SNX29: variants seen among roughly 807,000 people sequenced by gnomAD.
SNX29 encodes the protein sorting nexin 29.
Under a neutral mutation model 102.1 loss-of-function variants are expected in SNX29, and 78 were observed. The ratio of observed to expected loss-of-function variants is 0.76; its 90% CI spans 0.64 to 0.92. SNX29 has a LOEUF of 0.92. Ranked by LOEUF, SNX29 falls within the 40% of genes least tolerant of loss-of-function variation. The probability of loss-of-function intolerance (pLI) is 0.00; values close to 1 mark genes in which losing one functional copy is unlikely to be tolerated. For missense variants in SNX29, 1,280 were observed against 1,061.7 expected (o/e 1.21, Z -2.86); for synonymous variants, 580 against 414.5 (o/e 1.40, Z -4.85).
chr16:12,562,813 C>T (rs12931055), intron 20 of SNX29, among the ~76,000 whole-genome samples: 16 of 151,906 alleles, frequency 1.1e-4, no homozygotes, highest in African/African-American at 3.6e-4. Flanking sequence ...CAACTCCTTT[C>T]CCCCCAAATT....
intron 20 of SNX29, among the ~76,000 whole-genome samples, chr16:12,559,057 T>C (rs80181096): frequency 0.013 from 2,019 of 152,232 alleles, 41 homozygotes; most frequent in African/African-American, 0.046. Flanking sequence ...GTAACTGCAA[T>C]GTAGAGGTCT....
chr16:12,230,095 G>A (rs1325681394), intron 14 of SNX29, among the ~76,000 whole-genome samples: 1 of 152,154 alleles, frequency 6.6e-6, no homozygotes, highest in African/African-American at 2.4e-5. Flanking sequence ...GCATCAGCCC[G>A]GATTTAGCCT....
rs973100739 is a variant in SNX29 at position 12,328,806 on chromosome 16, A to C, written c.1783-27357A>C. Among the ~76,000 whole-genome samples the C allele has an allele frequency of 6.6e-5, 10 of 152,082 alleles. No homozygotes were observed. The East Asian group carries it at 9.6e-4, about 15-fold the overall frequency. Reference sequence around the variant, plus strand: ...AAATGCTTCTTTAAATGATTTAGGCAAAGATGGAGTTGATTGGCTCATGTA... The same window carrying C: ...AAATGCTTCTTTAAATGATTTAGGCCAAGATGGAGTTGATTGGCTCATGTA... On this transcript the variant is annotated intron_variant, in intron 15 of 20. Transcript: ENST00000566228.
At chr16:12,319,215 A>G (rs1274084849) in intron 15 of SNX29, among the ~76,000 whole-genome samples, 1 of 152,222 alleles carries the variant, frequency 6.6e-6, no homozygotes, top group East Asian at 1.9e-4. Flanking sequence ...CAGTGCTGAC[A>G]CAATTGTTAT....
intron 15 of SNX29, among the ~76,000 whole-genome samples, chr16:12,339,537 A>C (rs1388060983): frequency 3.3e-5 from 5 of 152,170 alleles, no homozygotes; most frequent in African/African-American, 1.2e-4. Flanking sequence ...TTTTTGAGTG[A>C]TGAAAACTGG....
chr16:12,401,650 C>A (rs2083949025), intron 17 of SNX29, among the ~76,000 whole-genome samples: 2 of 152,048 alleles, frequency 1.3e-5, no homozygotes. Flanking sequence ...AGGTGTGAGC[C>A]CCTGCACCCA....
intron 14 of SNX29, among the ~76,000 whole-genome samples, chr16:12,205,191 T>C (rs989780902): frequency 6.6e-6 from 1 of 152,156 alleles, no homozygotes; most frequent in African/African-American, 2.4e-5. Context: ...TTCTGAACCA[T>C]TGCAGGCTTC....
chr16:12,356,422 A>AT (rs1304809775), intron 16 of SNX29, 143 bp downstream of exon 16: 2 of 649,664 alleles, frequency 3.1e-6, no homozygotes, highest in Admixed American at 2.9e-5. Context: ...TTTGCTTTTT[A>AT]TTTTTTATGG....
intron 14 of SNX29, among the ~76,000 whole-genome samples, chr16:12,226,912 G>C (rs1355723169): frequency 1.3e-5 from 2 of 152,096 alleles, no homozygotes; most frequent in African/African-American, 2.4e-5. Context: ...TATGTAACAC[G>C]TCTACTGGCT....
intron 13 of SNX29, among the ~76,000 whole-genome samples, chr16:12,177,699 A>G (rs2076291567): frequency 6.6e-6 from 1 of 152,230 alleles, no homozygotes. Context: ...TATTAACAGT[A>G]TACAATTATT....
At chr16:12,125,520 G>A (rs1056069438) in intron 11 of SNX29, among the ~76,000 whole-genome samples, 1 of 151,534 alleles carries the variant, frequency 6.6e-6, no homozygotes, top group African/African-American at 2.4e-5. Context: ...GGATCGGGTC[G>A]GCATCCATCG....
intron 16 of SNX29, among the ~76,000 whole-genome samples, chr16:12,368,888 C>T (rs900113629): frequency 3.3e-5 from 5 of 152,190 alleles, no homozygotes; most frequent in Admixed American, 2.6e-4. Context: ...TTGAAATGGC[C>T]TCTCTGTTCT....
chr16:12,537,151 C>T (rs572294835), intron 20 of SNX29, among the ~76,000 whole-genome samples: 4 of 152,136 alleles, frequency 2.6e-5, no homozygotes, highest in Non-Finnish European at 4.4e-5. Context: ...GGCTGGGACT[C>T]TGGGATCTTG....
chr16:12,420,783 A>G (rs1043938102), intron 18 of SNX29, among the ~76,000 whole-genome samples: 1 of 152,204 alleles, frequency 6.6e-6, no homozygotes, highest in Non-Finnish European at 1.5e-5. Context: ...TGATGGACGC[A>G]TGAGTCACCA....
chr16:12,480,874 T>G (rs2087874021), intron 19 of SNX29, among the ~76,000 whole-genome samples: 1 of 152,062 alleles, frequency 6.6e-6, no homozygotes. Context: ...GTTTTGTTGT[T>G]GTTGTTTGTT....
intron 19 of SNX29, among the ~76,000 whole-genome samples, chr16:12,498,015 C>G (rs1292353990): frequency 6.6e-6 from 1 of 152,152 alleles, no homozygotes; most frequent in Non-Finnish European, 1.5e-5. Flanking sequence ...GGGTAGCAAG[C>G]AGGCAAAATA....
intron 20 of SNX29, among the ~76,000 whole-genome samples, chr16:12,537,815 C>G (rs755813996): frequency 6.6e-6 from 1 of 151,900 alleles, no homozygotes; most frequent in East Asian, 1.9e-4. Context: ...AGAGGTGTGT[C>G]CACAGCATAT....
intron 15 of SNX29, among the ~76,000 whole-genome samples, chr16:12,318,529 G>A (rs1475648428): frequency 6.6e-6 from 1 of 152,160 alleles, no homozygotes; most frequent in Admixed American, 6.5e-5. Flanking sequence ...GTGGGGAAGA[G>A]TGAGCAACTC....
At position 12,048,559 on chromosome 16, in the gene SNX29, C is replaced by T. The variant is rs267604409; in HGVS notation, c.687C>T (p.Ile229=). The part of the protein sequence containing the change: ...REITASSAVS[I]LIKPEQETDP... ...TCACAGCCTCCTCTGCCGTCTCCAT[C>T]CTCATCAAACCTGAACAGGAGACCG... The change falls in exon 7 of 21, where the codon ATC becomes ATT. Residue 229 remains isoleucine, a synonymous_variant. Coordinates refer to ENST00000566228, the MANE Select transcript of SNX29 (RefSeq NM_032167.5). 2 of 1,613,978 alleles carry T rather than the reference C, an allele frequency of 1.2e-6. No individual in the cohort carries two copies. Among genetic ancestry groups the T allele is most frequent in the African/African-American group, 1.3e-5 (1 of 75,044 alleles).
Sources: gnomAD v4.1 joint callset for allele counts (sites outside exome capture counted in the v4.1 genomes callset) on GRCh38, gnomAD v4.1.1 for gene constraint, MANE v1.5 for transcripts, NCBI Gene and HGNC (gene_info 2026-07-23, HGNC 2026-07-21) for gene names.